The following LRRC53 variants were observed in gnomAD, a reference collection of about 807,000 sequenced individuals.
The protein encoded by LRRC53 is leucine-rich repeat-containing protein 53.
A neutral mutation model predicts 13.6 loss-of-function variants in LRRC53; 25 were observed. That is an observed-to-expected ratio of 1.83 (90% CI 1.34 to 2.56). LRRC53 has a LOEUF of 2.56. LRRC53 is among the 30% of genes most tolerant of loss of function. The pLI is 0.00. For missense variants in LRRC53, 527 were observed against 275.8 expected (o/e 1.91, Z -6.45); for synonymous variants, 204 against 109.8 (o/e 1.86, Z -5.37).
At chr1:74,530,268 A>G in the LRRC53 span, among the ~76,000 whole-genome samples, 2 of 152,244 alleles carry the variant, frequency 1.3e-5, no homozygotes, top group African/African-American at 4.8e-5. Context: ...AGATAGGGAT[A>G]TAGCCATAAC....
In LRRC53 at chr1:74,480,147, G is replaced by T. The variant is rs1668408891; in HGVS notation, c.904+6C>A. The T allele has an allele frequency of 2.8e-6, 2 of 713,048 alleles. No homozygotes were observed. The highest frequency in any genetic ancestry group is 5.2e-6 in the Non-Finnish European group (2 of 383,162). 44.2% of individuals were successfully genotyped at this position (713,048 alleles called of 1,614,324 possible). ...AAAGAGGAGGGCACACTTCTCCCCG[G>T]CATACCTGCGAAGCCAAGGACAGTC... On this transcript the variant is annotated splice_donor_region_variant and intron_variant, in intron 3 of 4. Transcript: ENST00000294635.
At chr1:74,532,639 C>A in the LRRC53 span, among the ~76,000 whole-genome samples, 30 of 151,336 alleles carry the variant, frequency 2.0e-4, 2 homozygotes, top group South Asian at 5.3e-3. Flanking sequence ...CCCCACCCCA[C>A]AGCAGTCCCC....
chr1:74,483,161 T>C, intron 2 of LRRC53, 101 bp downstream of exon 2: 5 of 653,694 alleles, frequency 7.6e-6, no homozygotes, highest in Non-Finnish European at 1.4e-5. Context: ...AAGGGTTACC[T>C]CTTAAGCTGA....
intron 1 of LRRC53, among the ~76,000 whole-genome samples, chr1:74,493,735 G>A (rs1570697184): frequency 6.6e-6 from 1 of 152,256 alleles, no homozygotes; most frequent in East Asian, 1.9e-4. Context: ...ATAGAAAAAT[G>A]TACTACCTGG....
At chr1:74,514,065 A>T (rs2100390582), upstream of LRRC53, among the ~76,000 whole-genome samples, 1 of 152,336 alleles carries the variant, frequency 6.6e-6, no homozygotes, top group African/African-American at 2.4e-5. Flanking sequence ...TTCAATTCAA[A>T]GGCTATTCGA....
At chr1:74,474,387 C>G (rs1668080332) in intron 4 of LRRC53, among the ~76,000 whole-genome samples, 1 of 152,096 alleles carries the variant, frequency 6.6e-6, no homozygotes, top group African/African-American at 2.4e-5. Context: ...TGTGGGAATG[C>G]AATGGAATAA....
intron 1 of LRRC53, among the ~76,000 whole-genome samples, chr1:74,503,668 G>A (rs1669748420): frequency 6.6e-6 from 1 of 152,152 alleles, no homozygotes; most frequent in South Asian, 2.1e-4. Context: ...AGCTCATTAA[G>A]GGCCTGCAGT....
intron 3 of LRRC53, among the ~76,000 whole-genome samples, chr1:74,478,224 A>C (rs984615080): frequency 6.6e-6 from 1 of 152,316 alleles, no homozygotes; most frequent in East Asian, 1.9e-4. Flanking sequence ...TTAAAGAAGA[A>C]TCTCTTCTCA....
chr1:74,487,952 G>A (rs2100287755), intron 1 of LRRC53, among the ~76,000 whole-genome samples: 1 of 152,232 alleles, frequency 6.6e-6, no homozygotes, highest in African/African-American at 2.4e-5. Context: ...CATTGGTCAT[G>A]ACAGGGTCTA....
At chr1:74,501,536 G>C (rs926898829) in intron 1 of LRRC53, among the ~76,000 whole-genome samples, 2 of 152,020 alleles carry the variant, frequency 1.3e-5, no homozygotes, top group Non-Finnish European at 2.9e-5. Context: ...ACCCAGGCTA[G>C]AGTGCAGTGG....
intron 2 of LRRC53, among the ~76,000 whole-genome samples, chr1:74,481,344 C>T (rs1306304452): frequency 6.6e-6 from 1 of 152,164 alleles, no homozygotes; most frequent in Non-Finnish European, 1.5e-5. Context: ...AGATCCAGGA[C>T]AGAATCAACT....
intron 1 of LRRC53, among the ~76,000 whole-genome samples, chr1:74,502,988 G>T (rs1409132190): frequency 3.9e-5 from 6 of 152,206 alleles, no homozygotes; most frequent in Admixed American, 3.9e-4. Flanking sequence ...GACACTTGTG[G>T]ACTAGCTTTG....
chr1:74,504,261 G>C (rs1669778039), intron 1 of LRRC53, among the ~76,000 whole-genome samples: 1 of 152,088 alleles, frequency 6.6e-6, no homozygotes, highest in Non-Finnish European at 1.5e-5. Context: ...ACTCCTTTTC[G>C]GCTGATGTGG....
chr1:74,472,605 T>C (rs1254641801), intron 4 of LRRC53, among the ~76,000 whole-genome samples: 2 of 152,114 alleles, frequency 1.3e-5, no homozygotes, highest in African/African-American at 2.4e-5. Context: ...GGGTGCAATA[T>C]TGAGTAATGT....
intron 1 of LRRC53, among the ~76,000 whole-genome samples, chr1:74,486,662 T>A (rs527252532): frequency 2.0e-5 from 3 of 151,890 alleles, no homozygotes; most frequent in Non-Finnish European, 2.9e-5. Context: ...TTTAAAGACA[T>A]AAGACTGAAT....
chr1:74,519,098 G>T, the LRRC53 span, among the ~76,000 whole-genome samples: 1 of 92,610 alleles, frequency 1.1e-5, no homozygotes, highest in Non-Finnish European at 1.9e-5. Context: ...TGATCTCATT[G>T]TTCAATTCCC....
rs527393320 is a variant in LRRC53 at position 74,475,922 on chromosome 1, G to A, written c.905-112C>T. The A allele has an allele frequency of 4.5e-4, 214 of 470,784 alleles. 4 individuals carry two copies. The South Asian group carries it at 0.011, about 24-fold the overall frequency. 29.2% of individuals were successfully genotyped at this position (470,784 alleles called of 1,614,324 possible). On this transcript the variant is annotated intron_variant, in intron 3 of 4. Transcript: ENST00000294635. ...TTAATGGCTTGAAAGATATCAGAAT[G>A]GGTAGGAAGTCCTTCACCATTTGGA...
chr1:74,489,262 C>G (rs1172434853), intron 1 of LRRC53: 1 of 1,604,290 alleles, frequency 6.2e-7, no homozygotes. Context: ...AAAGCTTTAG[C>G]TTCTGAAATA....
At chr1:74,489,345 T>C in intron 1 of LRRC53, 2 of 1,246,618 alleles carry the variant, frequency 1.6e-6, no homozygotes, top group East Asian at 2.4e-5. Flanking sequence ...GAAAAGTTAC[T>C]GTGAGGACCC....
Sources: allele counts gnomAD v4.1 joint callset (sites outside exome capture counted in the v4.1 genomes callset), GRCh38; gene constraint gnomAD v4.1.1; transcripts MANE v1.5; gene names NCBI Gene and HGNC (gene_info 2026-07-23, HGNC 2026-07-21).